The following LGSN variants were observed in gnomAD, a reference collection of about 807,000 sequenced individuals.
LGSN encodes the protein lengsin, lens protein with glutamine synthetase domain, also known as lengsin.
In LGSN, 21 loss-of-function variants were observed where a neutral mutation model predicts 19.5. That is an observed-to-expected ratio of 1.07 (90% CI 0.76 to 1.55). The LOEUF is 1.55. Among genes scored for constraint, LGSN ranks in the 40% most tolerant of loss-of-function variants. The pLI is 0.00. For missense variants in LGSN, 673 were observed against 608.5 expected, an observed-to-expected ratio of 1.11 and a Z score of -1.12; for synonymous variants, 257 against 215.6, an observed-to-expected ratio of 1.19 and a Z score of -1.68.
At chr6:63,493,375 C>T in the LGSN span, among the ~76,000 whole-genome samples, 1 of 152,178 alleles carries the variant, frequency 6.6e-6, no homozygotes, top group African/African-American at 2.4e-5. Context: ...TTATAGGTGA[C>T]AAAAGTCCAT....
chr6:63,543,480 A>T, the LGSN span, among the ~76,000 whole-genome samples: 1 of 152,238 alleles, frequency 6.6e-6, no homozygotes, highest in Admixed American at 6.5e-5. Flanking sequence ...TATCTAACTT[A>T]TTCACCATTT....
chr6:63,313,740 G>A (rs913882732), intron 1 of LGSN, among the ~76,000 whole-genome samples: 5 of 152,004 alleles, frequency 3.3e-5, no homozygotes, highest in African/African-American at 1.2e-4. Context: ...GGAGACTGAG[G>A]CACAAGAATC....
intron 2 of LGSN, among the ~76,000 whole-genome samples, chr6:63,288,888 G>C (rs961264635): frequency 7.2e-5 from 11 of 152,198 alleles, no homozygotes; most frequent in Admixed American, 5.9e-4. Flanking sequence ...CCTCTTTAAA[G>C]AACGTATCTC....
chr6:63,426,312 G>T, the LGSN span, among the ~76,000 whole-genome samples: 4 of 152,012 alleles, frequency 2.6e-5, no homozygotes, highest in Non-Finnish European at 5.9e-5. Context: ...TGATCCAACT[G>T]GGAGTTGCTA....
At chr6:63,366,621 C>T in the LGSN span, among the ~76,000 whole-genome samples, 4 of 151,996 alleles carry the variant, frequency 2.6e-5, no homozygotes, top group African/African-American at 4.8e-5. Flanking sequence ...AAAAAGAGCC[C>T]GCATTGCCAA....
At chr6:63,551,311 C>G in the LGSN span, among the ~76,000 whole-genome samples, 1 of 152,128 alleles carries the variant, frequency 6.6e-6, no homozygotes, top group Admixed American at 6.5e-5. Flanking sequence ...GGTGATCTGC[C>G]TGTCTTGGCC....
chr6:63,386,971 T>C, the LGSN span, among the ~76,000 whole-genome samples: 1 of 151,968 alleles, frequency 6.6e-6, no homozygotes, highest in Non-Finnish European at 1.5e-5. Flanking sequence ...CATGGTGGCG[T>C]GCACCTGTAA....
chr6:63,308,214 GA>G (rs1244917117), intron 1 of LGSN, among the ~76,000 whole-genome samples: 1 of 152,150 alleles, frequency 6.6e-6, no homozygotes, highest in African/African-American at 2.4e-5. Context: ...ATTTTCACCA[GA>G]GCAGCTTTTC....
At chr6:63,332,302 G>T in the LGSN span, among the ~76,000 whole-genome samples, 1 of 152,188 alleles carries the variant, frequency 6.6e-6, no homozygotes, top group Admixed American at 6.5e-5. Flanking sequence ...TTTAGAAGCA[G>T]GTCTAACCTC....
At chr6:63,469,228 A>G in the LGSN span, among the ~76,000 whole-genome samples, 1 of 152,200 alleles carries the variant, frequency 6.6e-6, no homozygotes, top group East Asian at 1.9e-4. Flanking sequence ...CCCAGGAGCC[A>G]GAAACTTGGT....
At chr6:63,359,157 C>T in the LGSN span, among the ~76,000 whole-genome samples, 1 of 152,160 alleles carries the variant, frequency 6.6e-6, no homozygotes, top group Admixed American at 6.5e-5. Flanking sequence ...ATATGTTGAA[C>T]CAGCCTTGCA....
chr6:63,494,769 T>C, the LGSN span, among the ~76,000 whole-genome samples: 1 of 152,226 alleles, frequency 6.6e-6, no homozygotes, highest in African/African-American at 2.4e-5. Context: ...ACTTTTACCT[T>C]GCTATATCTC....
Position 63,277,583 on chromosome 6 carries a change from G to A in LGSN, c.*2438C>T, listed in dbSNP as rs1767135743. On this transcript the variant is annotated 3_prime_UTR_variant, in exon 4 of 4. Coordinates refer to ENST00000370657, the MANE Select transcript of LGSN (RefSeq NM_016571.3). ...GTGGCTTAAAGAAGATAGAAGTTTGGTTCTCTCTCAGGTAAACATCTGGAT... is the reference window on the plus strand; with the variant it reads ...GTGGCTTAAAGAAGATAGAAGTTTGATTCTCTCTCAGGTAAACATCTGGAT... The A allele has an allele frequency of 6.6e-6, 1 of 152,190 alleles. No individual in the cohort carries two copies. Among genetic ancestry groups the A allele is most frequent in the Admixed American group, 6.5e-5 (1 of 15,268 alleles). The allele number at this position is 152,190 out of a possible 1,614,324, so 9.4% of individuals were successfully genotyped here.
At chr6:63,448,500 T>C in the LGSN span, among the ~76,000 whole-genome samples, 1 of 151,910 alleles carries the variant, frequency 6.6e-6, no homozygotes, top group African/African-American at 2.4e-5. Context: ...ACGGAGGGTG[T>C]CTCAGGGATC....
chr6:63,308,067 G>T (rs1468893497), intron 1 of LGSN, among the ~76,000 whole-genome samples: 1 of 152,154 alleles, frequency 6.6e-6, no homozygotes, highest in Non-Finnish European at 1.5e-5. Context: ...GGTAAACCAG[G>T]CTGGAAGAAT....
At chr6:63,297,914 A>T (rs536810987) in intron 1 of LGSN, among the ~76,000 whole-genome samples, 1 of 152,274 alleles carries the variant, frequency 6.6e-6, no homozygotes, top group African/African-American at 2.4e-5. Flanking sequence ...ATGTTCAAAC[A>T]CTGTTTCTGT....
chr6:63,331,434 T>C, the LGSN span, among the ~76,000 whole-genome samples: 11 of 152,186 alleles, frequency 7.2e-5, no homozygotes. Context: ...GCCACCTCTT[T>C]TTCAGGGTTT....
the LGSN span, among the ~76,000 whole-genome samples, chr6:63,470,582 A>G: frequency 1.3e-5 from 2 of 152,074 alleles, no homozygotes; most frequent in African/African-American, 4.8e-5. Context: ...ATGTGTAATG[A>G]TTCTAGAGGC....
At chr6:63,519,053 G>T in the LGSN span, among the ~76,000 whole-genome samples, 1 of 152,160 alleles carries the variant, frequency 6.6e-6, no homozygotes, top group African/African-American at 2.4e-5. Flanking sequence ...AGTGGCTCAC[G>T]CCTGTAATCC....
Sources: allele counts gnomAD v4.1 joint callset (sites outside exome capture counted in the v4.1 genomes callset), GRCh38; gene constraint gnomAD v4.1.1; transcripts MANE v1.5; gene names NCBI Gene and HGNC (gene_info 2026-07-23, HGNC 2026-07-21).